The following TMEM132B variants were observed in gnomAD, a reference collection of about 807,000 sequenced individuals.
TMEM132B encodes transmembrane protein 132B.
TMEM132B carries 18 observed loss-of-function variants against 90.8 expected under a neutral mutation model. The ratio of observed to expected loss-of-function variants is 0.20; its 90% CI spans 0.14 to 0.29. The LOEUF (loss-of-function observed/expected upper bound fraction) is 0.29. TMEM132B is among the 10% of genes least tolerant of loss of function. TMEM132B has a pLI of 1.00. For missense variants in TMEM132B, 1,096 were observed against 1,326.8 expected (o/e 0.83, Z 2.70); for synonymous variants, 504 against 523.3 (o/e 0.96, Z 0.50).
chr12:125,553,271 A>G (rs1300313982), intron 4 of TMEM132B, among the ~76,000 whole-genome samples: 3 of 152,172 alleles, frequency 2.0e-5, no homozygotes, highest in Admixed American at 2.0e-4. Flanking sequence ...GCATTTAATG[A>G]ATGTTAAATG....
intron 1 of TMEM132B, among the ~76,000 whole-genome samples, chr12:125,345,764 C>T (rs557028491): frequency 5.9e-5 from 9 of 152,292 alleles, no homozygotes; most frequent in African/African-American, 2.2e-4. Flanking sequence ...ATTGCTCCTT[C>T]CTCATTTCCT....
intron 5 of TMEM132B, among the ~76,000 whole-genome samples, chr12:125,600,833 C>T (rs1191507454): frequency 6.6e-6 from 1 of 152,096 alleles, no homozygotes; most frequent in Non-Finnish European, 1.5e-5. Flanking sequence ...TCTGACAAAA[C>T]AGACTTCAAA....
chr12:125,405,660 A>C (rs1015851087), intron 2 of TMEM132B, among the ~76,000 whole-genome samples: 2 of 152,152 alleles, frequency 1.3e-5, no homozygotes, highest in African/African-American at 4.8e-5. Flanking sequence ...CCTACACTCC[A>C]TCCTGCCTCC....
At position 125,654,585 on chromosome 12, in the gene TMEM132B, G is replaced by A. The variant is rs1458737441; in HGVS notation, c.3127G>A (p.Gly1043Ser). The change falls in exon 9 of 9, where the codon GGC becomes AGC. Residue 1043 changes from glycine to serine, a missense_variant. Gly to Ser is a moderately conservative substitution (Grantham distance 56, BLOSUM62 0). Coordinates refer to ENST00000682704, the MANE Select transcript of TMEM132B (RefSeq NM_001366854.1). The surrounding 1 kb of genome is among the most constrained non-coding windows in gnomAD (Gnocchi z 5.8). ...CACCACCATCCTCCCAGAGGACGGC[G>A]GCCCATACACCAACTCCATCCTGTT... ...SYTTILPEDG[G>S]PYTNSILFDS... 4.3e-6 allele frequency: 7 copies of A among 1,614,020 alleles called. No homozygotes were observed. Among genetic ancestry groups the A allele is most frequent in the African/African-American group, 1.3e-5 (1 of 74,902 alleles).
chr12:125,317,304 G>A (rs535110394), intron 1 of TMEM132B, among the ~76,000 whole-genome samples: 2 of 152,286 alleles, frequency 1.3e-5, no homozygotes, highest in Non-Finnish European at 2.9e-5. Context: ...TATTAGGCAC[G>A]ATTGTTTAAA....
At chr12:125,417,551 C>T (rs1880051561) in intron 3 of TMEM132B, among the ~76,000 whole-genome samples, 1 of 152,084 alleles carries the variant, frequency 6.6e-6, no homozygotes, top group African/African-American at 2.4e-5. Context: ...TGTTTGTATT[C>T]CCAGTGGCAG....
At chr12:125,210,718 C>CTT (rs1873300436) in intron 1 of TMEM132B, among the ~76,000 whole-genome samples, 1 of 152,110 alleles carries the variant, frequency 6.6e-6, no homozygotes, top group Non-Finnish European at 1.5e-5. Flanking sequence ...AATTCCAGCA[C>CTT]TTTGGGAGGC....
chr12:125,646,137 A>G (rs1441575136), intron 6 of TMEM132B, among the ~76,000 whole-genome samples: 1 of 152,212 alleles, frequency 6.6e-6, no homozygotes, highest in Non-Finnish European at 1.5e-5. Flanking sequence ...GGTGAGGAGC[A>G]TGGATTCTGG....
chr12:125,299,365 C>T (rs1482567252), intron 1 of TMEM132B, among the ~76,000 whole-genome samples: 1 of 152,148 alleles, frequency 6.6e-6, no homozygotes, highest in Non-Finnish European at 1.5e-5. Context: ...CGGCTCCTCC[C>T]AAGCCCCATT....
At chr12:125,322,829 A>G (rs1297958285) in intron 1 of TMEM132B, among the ~76,000 whole-genome samples, 3 of 152,000 alleles carry the variant, frequency 2.0e-5, no homozygotes, top group East Asian at 1.9e-4. Context: ...TTTCCCCCCA[A>G]TGTGTTCAGA....
intron 5 of TMEM132B, among the ~76,000 whole-genome samples, chr12:125,607,031 C>T (rs1053637821): frequency 6.6e-6 from 1 of 152,128 alleles, no homozygotes; most frequent in Non-Finnish European, 1.5e-5. Flanking sequence ...CTTGGACACC[C>T]GGGAGTCCCA....
chr12:125,384,479 G>A (rs1878771783), intron 2 of TMEM132B, among the ~76,000 whole-genome samples: 1 of 152,128 alleles, frequency 6.6e-6, no homozygotes. Flanking sequence ...TTAAAACATG[G>A]AATGATTAAT....
chr12:125,207,757 C>A (rs747847368), intron 1 of TMEM132B, among the ~76,000 whole-genome samples: 2 of 152,170 alleles, frequency 1.3e-5, no homozygotes, highest in Non-Finnish European at 2.9e-5. Flanking sequence ...TCTCCATTTC[C>A]CCAGGCCTCC....
intron 4 of TMEM132B, among the ~76,000 whole-genome samples, chr12:125,558,063 G>A (rs1884433892): frequency 6.6e-6 from 1 of 152,190 alleles, no homozygotes; most frequent in African/African-American, 2.4e-5. Flanking sequence ...GATTTTACCT[G>A]GTATCAGGAT....
chr12:125,450,875 C>T (rs1881130764), intron 3 of TMEM132B, among the ~76,000 whole-genome samples: 1 of 152,176 alleles, frequency 6.6e-6, no homozygotes, highest in Non-Finnish European at 1.5e-5. Context: ...CACAACATCA[C>T]TTATGTAAGT....
At chr12:125,511,607 T>C (rs1882979287) in intron 3 of TMEM132B, among the ~76,000 whole-genome samples, 1 of 151,484 alleles carries the variant, frequency 6.6e-6, no homozygotes, top group Non-Finnish European at 1.5e-5. Flanking sequence ...TCCCAGCGCT[T>C]TTTGGGAGGC....
chr12:125,645,613 A>G (rs569057715), intron 6 of TMEM132B, among the ~76,000 whole-genome samples: 1 of 152,274 alleles, frequency 6.6e-6, no homozygotes, highest in South Asian at 2.1e-4. Context: ...TCTGTCAACA[A>G]CCTGGCTGAT....
At chr12:125,557,149 T>C (rs1884409468) in intron 4 of TMEM132B, among the ~76,000 whole-genome samples, 1 of 152,220 alleles carries the variant, frequency 6.6e-6, no homozygotes, top group African/African-American at 2.4e-5. Context: ...CATGCTAATG[T>C]ATACACATAT....
chr12:125,452,455 G>A (rs1176251069), intron 3 of TMEM132B, among the ~76,000 whole-genome samples: 5 of 152,306 alleles, frequency 3.3e-5, no homozygotes, highest in Admixed American at 6.5e-5. Context: ...ATACTTGCAT[G>A]TGTCTCCCTG....
Sources: gnomAD v4.1 joint callset for allele counts (sites outside exome capture counted in the v4.1 genomes callset) on GRCh38, gnomAD v4.1.1 for gene constraint, Gnocchi (gnomAD v3.1) non-coding constraint, MANE v1.5 for transcripts, NCBI Gene and HGNC (gene_info 2026-07-23, HGNC 2026-07-21) for gene names.